FBP1: variants seen among roughly 807,000 people sequenced by gnomAD.
FBP1 encodes fructose-bisphosphatase 1, also known as fructose-1,6-bisphosphatase 1.
A neutral mutation model predicts 29.9 loss-of-function variants in FBP1; 22 were observed. That is an observed-to-expected ratio of 0.74 (90% CI 0.53 to 1.05). The LOEUF is 1.05. Among genes scored for constraint, FBP1 ranks in the 50% least tolerant of loss-of-function variants. FBP1 has a pLI of 0.00. For missense variants in FBP1, 345 were observed against 448.2 expected, an observed-to-expected ratio of 0.77 and a Z score of 2.08; for synonymous variants, 175 against 178.6, an observed-to-expected ratio of 0.98 and a Z score of 0.16.
chr9:94,639,093 C>A lies in FBP1; in HGVS notation c.170+48G>T, dbSNP rs766243655. On this transcript the variant is annotated intron_variant, in intron 1 of 6. Coordinates refer to ENST00000375326, the MANE Select transcript of FBP1 (RefSeq NM_000507.4). ...CAACGTCAGCCCGCCGGGCAGGCTC[C>A]CCAGGCAGACAGACAGGACGGGGCC... The A allele has an allele frequency of 1.6e-5, 25 of 1,551,668 alleles. No individual in the cohort carries two copies. In the African/African-American group the frequency reaches 3.3e-4, roughly 20 times the overall value.
chr9:94,619,874 CAAAAAAAAAAAAAA>C (rs56722632), intron 2 of FBP1, among the ~76,000 whole-genome samples: 35,411 of 99,306 alleles, frequency 0.36, 5,973 homozygotes, highest in East Asian at 0.63. Context: ...AACACTGTCT[CAAAAAAAAAAAAAA>C]AAAAAAAAAA....
At chr9:94,604,983 C>T (rs1827675794) in intron 6 of FBP1, among the ~76,000 whole-genome samples, 1 of 152,130 alleles carries the variant, frequency 6.6e-6, no homozygotes, top group Non-Finnish European at 1.5e-5. Flanking sequence ...TAGGTTTCCC[C>T]AGAGATTCTT....
At chr9:94,617,211 C>T (rs996558116) in intron 3 of FBP1, among the ~76,000 whole-genome samples, 1 of 152,136 alleles carries the variant, frequency 6.6e-6, no homozygotes, top group Non-Finnish European at 1.5e-5. Context: ...GACCAAATGC[C>T]AATTAAAGCT....
intron 1 of FBP1, among the ~76,000 whole-genome samples, chr9:94,636,470 T>C (rs12345842): frequency 0.96 from 146,456 of 152,018 alleles, 70,572 homozygotes; most frequent in East Asian, 1. Flanking sequence ...AGAGTGCGAC[T>C]CTATCTCAAA....
At chr9:94,630,426 G>A (rs568486368) in intron 1 of FBP1, among the ~76,000 whole-genome samples, 1 of 152,284 alleles carries the variant, frequency 6.6e-6, no homozygotes, top group South Asian at 2.1e-4. Flanking sequence ...CCTTTCACCC[G>A]GTTCCTCAGG....
At chr9:94,609,277 G>A (rs1827748158) in intron 4 of FBP1, among the ~76,000 whole-genome samples, 1 of 151,880 alleles carries the variant, frequency 6.6e-6, no homozygotes, top group Admixed American at 6.6e-5. Context: ...AGCTATTTTT[G>A]AAGAAGCAAT....
upstream of FBP1, among the ~76,000 whole-genome samples, chr9:94,639,786 G>A (rs920587484): frequency 1.8e-4 from 28 of 151,930 alleles, no homozygotes; most frequent in Non-Finnish European, 3.1e-4. Flanking sequence ...CGGGCCATCG[G>A]ACTCTGCCAG....
chr9:94,623,305 A>C (rs1357333268), intron 1 of FBP1, among the ~76,000 whole-genome samples: 1 of 152,160 alleles, frequency 6.6e-6, no homozygotes, highest in African/African-American at 2.4e-5. Flanking sequence ...CTCACTTCTG[A>C]TTCCGGAGGG....
chr9:94,640,168 G>T (rs1466474239), upstream of FBP1: 1 of 152,214 alleles, frequency 6.6e-6, no homozygotes, highest in Non-Finnish European at 1.5e-5. Flanking sequence ...CCGGAAAACG[G>T]TCGCTGACAC....
At chr9:94,633,113 T>C (rs796363058) in intron 1 of FBP1, among the ~76,000 whole-genome samples, 3 of 152,296 alleles carry the variant, frequency 2.0e-5, no homozygotes, top group African/African-American at 7.2e-5. Context: ...CTTGTTTTTG[T>C]TTTTGTGTTG....
At chr9:94,610,274 C>T (rs1186550228) in intron 3 of FBP1, among the ~76,000 whole-genome samples, 1 of 152,202 alleles carries the variant, frequency 6.6e-6, no homozygotes, top group Non-Finnish European at 1.5e-5. Flanking sequence ...CTGGATTCCT[C>T]TTTCCAATTA....
At chr9:94,610,498 G>T (rs146923560) in intron 3 of FBP1, among the ~76,000 whole-genome samples, 525 of 152,296 alleles carry the variant, frequency 3.4e-3, no homozygotes, top group African/African-American at 0.012. Context: ...AGCTCTTGCC[G>T]CTGCAGCCCA....
At chr9:94,619,438 G>A (rs917866882) in intron 2 of FBP1, among the ~76,000 whole-genome samples, 17 of 152,056 alleles carry the variant, frequency 1.1e-4, no homozygotes, top group Non-Finnish European at 1.5e-4. Context: ...AATTACAATT[G>A]TTGTTTTATA....
chr9:94,638,879 A>C (rs555462961), intron 1 of FBP1, among the ~76,000 whole-genome samples: 3 of 152,274 alleles, frequency 2.0e-5, no homozygotes, highest in Non-Finnish European at 4.4e-5. Context: ...AGAGGAATGC[A>C]AGATGGAATC....
At chr9:94,616,690 C>A (rs1428193925) in intron 3 of FBP1, among the ~76,000 whole-genome samples, 1 of 152,018 alleles carries the variant, frequency 6.6e-6, no homozygotes, top group Non-Finnish European at 1.5e-5. Flanking sequence ...CCTCGGCCTC[C>A]CAAAGTGCTG....
chr9:94,626,225 C>T (rs561439511), intron 1 of FBP1, among the ~76,000 whole-genome samples: 1 of 152,340 alleles, frequency 6.6e-6, no homozygotes, highest in South Asian at 2.1e-4. Context: ...TCAATGTTCA[C>T]GTACTTTATA....
At chr9:94,615,262 C>T (rs1172829457) in intron 3 of FBP1, among the ~76,000 whole-genome samples, 1 of 152,146 alleles carries the variant, frequency 6.6e-6, no homozygotes, top group African/African-American at 2.4e-5. Context: ...GACAGCCGAG[C>T]CTTATTGTTG....
intron 3 of FBP1, among the ~76,000 whole-genome samples, chr9:94,611,064 C>A (rs959551866): frequency 6.6e-6 from 1 of 151,960 alleles, no homozygotes; most frequent in Non-Finnish European, 1.5e-5. Flanking sequence ...GGGGTTTCAC[C>A]GTGTTAGCCA....
At position 94,639,436 on chromosome 9, in the gene FBP1, G is replaced by T; in HGVS notation, c.-126C>A. The T allele has an allele frequency of 1.8e-6, 2 of 1,102,684 alleles. No homozygotes were observed. The highest frequency in any genetic ancestry group is 2.7e-6 in the Non-Finnish European group (2 of 748,432). The allele number at this position is 1,102,684 out of a possible 1,614,324, so 68.3% of individuals were successfully genotyped here. A position where few individuals can be genotyped will look rare whatever the true frequency, so the allele number is the denominator to read the frequency against. ...GGAGCTGCAGGTGCGGGCGGCAGGT[G>T]CGGGCCGCGGGACCTGGCGGGAGGA... On this transcript the variant is annotated 5_prime_UTR_variant, in exon 1 of 7. Transcript: ENST00000375326.
Sources: allele counts gnomAD v4.1 joint callset (sites outside exome capture counted in the v4.1 genomes callset), GRCh38; gene constraint gnomAD v4.1.1; transcripts MANE v1.5; gene names NCBI Gene and HGNC (gene_info 2026-07-23, HGNC 2026-07-21).